The following EPAS1 variants were observed in gnomAD, a reference collection of about 807,000 sequenced individuals.
The protein encoded by EPAS1 is endothelial PAS domain-containing protein 1.
In EPAS1, 23 loss-of-function variants were observed where a neutral mutation model predicts 87.9. That is an observed-to-expected ratio of 0.26 (90% CI 0.19 to 0.37). The LOEUF is 0.37. Ranked by LOEUF, EPAS1 falls within the 10% of genes least tolerant of loss-of-function variation. EPAS1 has a pLI of 1.00. For synonymous variants in EPAS1, 508 were observed against 444.3 expected (o/e 1.14, Z -1.80); for missense variants, 1,138 against 1,120.7 (o/e 1.02, Z -0.22).
intron 7 of EPAS1, among the ~76,000 whole-genome samples, chr2:46,373,290 G>A (rs1052386009): frequency 1.3e-5 from 2 of 152,096 alleles, no homozygotes; most frequent in African/African-American, 2.4e-5. Context: ...CTGCACCCAC[G>A]AGAAATGAAA....
At chr2:46,307,667 C>T (rs1683130435) in intron 1 of EPAS1, among the ~76,000 whole-genome samples, 1 of 152,112 alleles carries the variant, frequency 6.6e-6, no homozygotes, top group Non-Finnish European at 1.5e-5. Context: ...ACTGTGTGGT[C>T]CCCTGACTCT....
rs984651940 is a variant in EPAS1 at position 46,371,307 on chromosome 2, G to C, written c.886+1374G>C. Among the ~76,000 whole-genome samples the C allele has an allele frequency of 6.6e-6, 1 of 152,182 alleles. No homozygotes were observed. Among genetic ancestry groups the C allele is most frequent in the African/African-American group, 2.4e-5 (1 of 41,456 alleles). On this transcript the variant is annotated intron_variant, in intron 7 of 15. Transcript: ENST00000263734. This position sits in a 1 kb window ranked among gnomAD's most constrained non-coding sequence, Gnocchi z 4.3. ...CAGCAGAGTCACAACCCCGCAAGCT[G>C]TATGTGAACATGGTTAACCCACTCT... is the stretch of plus-strand genomic sequence containing the variant.
In EPAS1 at chr2:46,384,591, G is replaced by A. The variant is rs545622178; in HGVS notation, c.2544G>A (p.Val848=). The A allele has an allele frequency of 6.2e-7, 1 of 1,614,120 alleles. No homozygotes were observed. The highest frequency in any genetic ancestry group is 8.5e-7 in the Non-Finnish European group (1 of 1,180,034). Residue 848 remains valine (V), a synonymous_variant, in exon 16 of 16, where the codon GTG becomes GTA. Coordinates refer to ENST00000263734, the MANE Select transcript of EPAS1 (RefSeq NM_001430.5). ...ELTRYDCEVN[V]PVLGSSTLLQ... ...CCAGATATGACTGTGAGGTGAACGTGCCCGTGCTGGGAAGCTCCACGCTCC... is the reference window on the plus strand; with the variant it reads ...CCAGATATGACTGTGAGGTGAACGTACCCGTGCTGGGAAGCTCCACGCTCC...
At chr2:46,311,463 C>T (rs538798083) in intron 1 of EPAS1, among the ~76,000 whole-genome samples, 2 of 152,250 alleles carry the variant, frequency 1.3e-5, no homozygotes, top group South Asian at 4.1e-4. Context: ...GGACTAGTTT[C>T]AAGAATCTCC....
intron 11 of EPAS1, among the ~76,000 whole-genome samples, chr2:46,379,013 C>T (rs1684822155): frequency 6.6e-6 from 1 of 152,204 alleles, no homozygotes; most frequent in Admixed American, 6.5e-5. Context: ...TCTTAGCACA[C>T]ATGAAAACCG....
intron 1 of EPAS1, among the ~76,000 whole-genome samples, chr2:46,299,143 T>A (rs1368385402): frequency 6.6e-6 from 1 of 152,242 alleles, no homozygotes; most frequent in Non-Finnish European, 1.5e-5. Context: ...GATTTGCTCT[T>A]GTTCCAACTT....
chr2:46,328,672 C>T (rs1261461337), intron 1 of EPAS1, among the ~76,000 whole-genome samples: 1 of 152,188 alleles, frequency 6.6e-6, no homozygotes, highest in Non-Finnish European at 1.5e-5. Context: ...TCTGTGAAAA[C>T]ATGAGTATAT....
At chr2:46,320,228 C>T (rs538088648) in intron 1 of EPAS1, among the ~76,000 whole-genome samples, 4 of 152,192 alleles carry the variant, frequency 2.6e-5, no homozygotes, top group South Asian at 2.1e-4. Context: ...TCAAAGTTTT[C>T]GGTGTGTGGA....
At chr2:46,341,232 T>A (rs114035060) in intron 1 of EPAS1, among the ~76,000 whole-genome samples, 209 of 152,320 alleles carry the variant, frequency 1.4e-3, no homozygotes, top group African/African-American at 4.8e-3. Flanking sequence ...CAAAGTCTTA[T>A]CTTTTGAGGG....
chr2:46,364,503 C>CT (rs1282193772), intron 6 of EPAS1, among the ~76,000 whole-genome samples: 2 of 152,182 alleles, frequency 1.3e-5, no homozygotes, highest in African/African-American at 4.8e-5. Context: ...CTGAAACAAC[C>CT]TATTCTGAAA....
intron 7 of EPAS1, among the ~76,000 whole-genome samples, chr2:46,370,509 G>A (rs527580848): frequency 3.3e-5 from 5 of 152,106 alleles, no homozygotes; most frequent in African/African-American, 1.2e-4. Context: ...CTGGATCAAG[G>A]GAGCTTTAGA....
In EPAS1 at chr2:46,386,449, C is replaced by T. The variant is rs564305883; in HGVS notation, c.*1789C>T. 8 of 152,734 alleles carry T rather than the reference C, an allele frequency of 5.2e-5. No homozygotes were observed. The highest frequency in any genetic ancestry group is 1.4e-4 in the African/African-American group (6 of 41,568). 9.5% of individuals were successfully genotyped at this position (152,734 alleles called of 1,614,324 possible). A position where few individuals can be genotyped will look rare whatever the true frequency, so the allele number is the denominator to read the frequency against. ...GTGGCAGAACTTGAAGGGTTACTGA[C>T]GTGTAAATGCTGGTATTTGATTTCC... On this transcript the variant is annotated 3_prime_UTR_variant, in exon 16 of 16. Coordinates refer to ENST00000263734, the MANE Select transcript of EPAS1 (RefSeq NM_001430.5).
intron 1 of EPAS1, among the ~76,000 whole-genome samples, chr2:46,319,847 A>G (rs901303774): frequency 3.3e-5 from 5 of 152,212 alleles, no homozygotes; most frequent in Non-Finnish European, 5.9e-5. Context: ...AGTCAAGACA[A>G]ATCGTTTCCT....
In EPAS1 at chr2:46,347,733, C is replaced by G. The variant is rs983866829; in HGVS notation, c.217+670C>G. Among the ~76,000 whole-genome samples, 6 of 152,220 alleles carry G rather than the reference C, an allele frequency of 3.9e-5. No homozygotes were observed. Among genetic ancestry groups the G allele is most frequent in the African/African-American group, 1.4e-4 (6 of 41,470 alleles). On this transcript the variant is annotated intron_variant, in intron 2 of 15. Transcript: ENST00000263734. The surrounding 1 kb of genome is among the most constrained non-coding windows in gnomAD (Gnocchi z 4.2). ...AGCACCTCTGCAACTCCAAAGTTCA[C>G]AAGACATTTGCTTTTTCTCAGTTAC...
rs1684952343 is a variant in EPAS1 at position 46,383,721 on chromosome 2, ACT to A, written c.2462-785_2462-784del. ...TTTCAAAAGAGTTGAATCATATCAAACTCTTTTCTGACCATGAATAAGAGAAG... is the reference window on the plus strand; with the variant it reads ...TTTCAAAAGAGTTGAATCATATCAAACTTTTCTGACCATGAATAAGAGAAG... On this transcript the variant is annotated intron_variant, in intron 15 of 15. Coordinates refer to ENST00000263734, the MANE Select transcript of EPAS1 (RefSeq NM_001430.5). Among the ~76,000 whole-genome samples the A allele has an allele frequency of 2.6e-5, 4 of 152,190 alleles. No homozygotes were observed. In the South Asian group the frequency reaches 6.2e-4, roughly 24 times the overall value.
chr2:46,367,233 G>A (rs1430673762), intron 6 of EPAS1, among the ~76,000 whole-genome samples: 1 of 152,166 alleles, frequency 6.6e-6, no homozygotes, highest in Non-Finnish European at 1.5e-5. Flanking sequence ...CATCTACTTT[G>A]AACATTTTAA....
chr2:46,363,560 G>A (rs1030355559), intron 6 of EPAS1, among the ~76,000 whole-genome samples: 1 of 152,152 alleles, frequency 6.6e-6, no homozygotes, highest in African/African-American at 2.4e-5. Flanking sequence ...AAGAAGAGGG[G>A]GAGAAACACA....
chr2:46,360,276 G>A lies in EPAS1; in HGVS notation c.455-362G>A, dbSNP rs111843303. ...TCAGACTGTCCCTTGGAATTTCTGC[G>A]AGAAGACCTGGGCCTGCCCCAGGAA... On this transcript the variant is annotated intron_variant, in intron 4 of 15. Transcript: ENST00000263734. This position sits in a 1 kb window ranked among gnomAD's most constrained non-coding sequence, Gnocchi z 4.5. Among the ~76,000 whole-genome samples the A allele has an allele frequency of 3.0e-3, 460 of 152,342 alleles. 4 individuals are homozygous for A. Among genetic ancestry groups the A allele is most frequent in the African/African-American group, 0.011 (440 of 41,576 alleles).
chr2:46,386,278 T>C lies in EPAS1; in HGVS notation c.*1618T>C, dbSNP rs539874121. 3.3e-5 allele frequency: 5 copies of C among 152,550 alleles called. No individual in the cohort carries two copies. The highest frequency in any genetic ancestry group is 7.3e-5 in the Non-Finnish European group (5 of 68,036). 9.4% of individuals were successfully genotyped at this position (152,550 alleles called of 1,614,324 possible). A position where few individuals can be genotyped will look rare whatever the true frequency, so the allele number is the denominator to read the frequency against. ...TTTCTAAAAACACACACAAAGCACA[T>C]TGGGCCAACTATTTAGTAAGCCCGG... is the stretch of plus-strand genomic sequence containing the variant. On this transcript the variant is annotated 3_prime_UTR_variant, in exon 16 of 16. Coordinates refer to ENST00000263734, the MANE Select transcript of EPAS1 (RefSeq NM_001430.5).
Sources: allele counts gnomAD v4.1 joint callset (sites outside exome capture counted in the v4.1 genomes callset), GRCh38; gene constraint gnomAD v4.1.1; non-coding constraint Gnocchi (gnomAD v3.1); transcripts MANE v1.5; gene names NCBI Gene and HGNC (gene_info 2026-07-23, HGNC 2026-07-21).